DUSP14: variants seen among roughly 807,000 people sequenced by gnomAD.
The protein encoded by DUSP14 is dual specificity phosphatase 14, also known as dual specificity protein phosphatase 14.
Under a neutral mutation model 13.2 loss-of-function variants are expected in DUSP14, and 5 were observed. The ratio of observed to expected loss-of-function variants is 0.38; its 90% CI spans 0.20 to 0.80. The LOEUF (loss-of-function observed/expected upper bound fraction) is 0.80. Ranked by LOEUF, DUSP14 falls within the 30% of genes least tolerant of loss-of-function variation. The pLI, the probability that DUSP14 is intolerant of heterozygous loss-of-function variation, is 0.44. For synonymous variants in DUSP14, 91 were observed against 103.4 expected, an observed-to-expected ratio of 0.88 and a Z score of 0.73; for missense variants, 185 against 264.0, an observed-to-expected ratio of 0.70 and a Z score of 2.07.
intron 1 of DUSP14, among the ~76,000 whole-genome samples, chr17:37,506,350 T>C (rs1056861691): frequency 1.3e-5 from 2 of 149,738 alleles, no homozygotes; most frequent in Non-Finnish European, 3.0e-5. Context: ...TTCCTTTCTG[T>C]CTTTCACTCT....
intron 1 of DUSP14, among the ~76,000 whole-genome samples, chr17:37,509,479 C>A (rs2054168819): frequency 6.6e-6 from 1 of 150,720 alleles, no homozygotes; most frequent in South Asian, 2.1e-4. Context: ...TGCCATCATG[C>A]CCGGATAATT....
At chr17:37,499,112 C>T (rs867957940) in intron 1 of DUSP14, among the ~76,000 whole-genome samples, 5 of 152,062 alleles carry the variant, frequency 3.3e-5, no homozygotes, top group Non-Finnish European at 7.4e-5. Context: ...CTGGGGAGGC[C>T]TCAGGAAACT....
chr17:37,501,847 G>A (rs1169385492), intron 1 of DUSP14, among the ~76,000 whole-genome samples: 2 of 152,056 alleles, frequency 1.3e-5, no homozygotes, highest in African/African-American at 4.8e-5. Context: ...AGAATGGGAG[G>A]AGAAAAAGCA....
At chr17:37,509,268 TA>T (rs1568204658) in intron 1 of DUSP14, among the ~76,000 whole-genome samples, 6 of 22,726 alleles carry the variant, frequency 2.6e-4, no homozygotes, top group South Asian at 1.9e-3. Context: ...TATATATATA[TA>T]TATATATATA....
At chr17:37,494,344 T>C (rs1306398881) in intron 1 of DUSP14, among the ~76,000 whole-genome samples, 1 of 152,220 alleles carries the variant, frequency 6.6e-6, no homozygotes, top group Non-Finnish European at 1.5e-5. Flanking sequence ...CCTGAGAAAG[T>C]AGAAGTAGCT....
chr17:37,502,005 GT>G, intron 1 of DUSP14, among the ~76,000 whole-genome samples: 1 of 152,212 alleles, frequency 6.6e-6, no homozygotes, highest in East Asian at 1.9e-4. Flanking sequence ...TTATTCAGTT[GT>G]TTTTATATGT....
At position 37,503,638 on chromosome 17, in the gene DUSP14, A is replaced by G. The variant is rs73984255; in HGVS notation, c.-180-7039A>G. On this transcript the variant is annotated intron_variant, in intron 1 of 2. Transcript: ENST00000617516. The stretch of plus-strand genomic sequence containing the variant: ...GGTGAGGACCAAATACAAGAATTCA[A>G]TTCCAGATGTGAACAGATTACCCCA... 7.0e-3 allele frequency among the ~76,000 whole-genome samples: 1,066 copies of G among 152,324 alleles called. 17 individuals are homozygous for G. The highest frequency in any genetic ancestry group is 0.025 in the African/African-American group (1,030 of 41,576).
intron 2 of DUSP14, among the ~76,000 whole-genome samples, chr17:37,511,253 T>A (rs956730422): frequency 6.6e-6 from 1 of 152,130 alleles, no homozygotes; most frequent in Non-Finnish European, 1.5e-5. Context: ...GTGTTTACAT[T>A]GTCACGAAAT....
Position 37,512,809 on chromosome 17 carries a change from C to G in DUSP14, c.537C>G (p.Gly179=), listed in dbSNP as rs373679821. 2.6e-4 allele frequency: 418 copies of G among 1,613,386 alleles called. 1 individual carries two copies. The highest frequency in any genetic ancestry group is 3.4e-4 in the Non-Finnish European group (399 of 1,179,810). The change falls in exon 3 of 3, where the codon GGC becomes GGG. Residue 179 remains glycine (G), a synonymous_variant. Coordinates refer to ENST00000617516, the MANE Select transcript of DUSP14 (RefSeq NM_007026.4). This position sits in a 1 kb window ranked among gnomAD's most constrained non-coding sequence, Gnocchi z 4.8. The part of the protein sequence containing the change: ...STVKMVQTPY[G]IVPDVYEKES... Reference sequence around the variant, plus strand: ...TTAAAATGGTACAGACACCTTATGGCATAGTTCCCGACGTCTATGAGAAGG... The same window carrying G: ...TTAAAATGGTACAGACACCTTATGGGATAGTTCCCGACGTCTATGAGAAGG...
At chr17:37,497,880 C>G (rs1169663747) in intron 1 of DUSP14, among the ~76,000 whole-genome samples, 1 of 152,014 alleles carries the variant, frequency 6.6e-6, no homozygotes, top group East Asian at 1.9e-4. Context: ...GTGGCAAAAC[C>G]CTGTCTCTAC....
intron 1 of DUSP14, among the ~76,000 whole-genome samples, chr17:37,507,489 G>A (rs1027059118): frequency 5.3e-5 from 8 of 152,214 alleles, no homozygotes; most frequent in Admixed American, 5.2e-4. Context: ...GCATCGCTCT[G>A]CCACCCAGGC....
intron 1 of DUSP14, among the ~76,000 whole-genome samples, chr17:37,498,551 C>T (rs1270513682): frequency 2.6e-5 from 4 of 151,890 alleles, no homozygotes; most frequent in Non-Finnish European, 4.4e-5. Context: ...TGGTCTCGAT[C>T]TCCTGACCTC....
At chr17:37,505,779 A>G (rs1434044597) in intron 1 of DUSP14, among the ~76,000 whole-genome samples, 1 of 152,116 alleles carries the variant, frequency 6.6e-6, no homozygotes, top group African/African-American at 2.4e-5. Context: ...GCTGACCACA[A>G]GGCTACAAGG....
At chr17:37,496,221 C>T (rs972533590) in intron 1 of DUSP14, among the ~76,000 whole-genome samples, 3 of 152,144 alleles carry the variant, frequency 2.0e-5, no homozygotes, top group Non-Finnish European at 4.4e-5. Context: ...CAGGCTCAGG[C>T]CAGAAGTGGA....
At position 37,511,782 on chromosome 17, in the gene DUSP14, A is replaced by G. The variant is rs147606787; in HGVS notation, c.-92-399A>G. Among the ~76,000 whole-genome samples the G allele has an allele frequency of 3.3e-4, 49 of 149,234 alleles. No homozygotes were observed. In the East Asian group the frequency reaches 6.3e-3, roughly 19 times the overall value. On this transcript the variant is annotated intron_variant, in intron 2 of 2. Coordinates refer to ENST00000617516, the MANE Select transcript of DUSP14 (RefSeq NM_007026.4). ...AAAAAAAAATAAAAAATAAAAAATA[A>G]AAAGTTTTTTTGTAGAGATGGGGTC...
intron 1 of DUSP14, among the ~76,000 whole-genome samples, chr17:37,502,780 T>TG (rs1358068548): frequency 6.6e-6 from 1 of 152,176 alleles, no homozygotes; most frequent in East Asian, 1.9e-4. Context: ...GCATGGCAGC[T>TG]GGGTTCCAAG....
At chr17:37,510,268 C>T (rs368623444) in intron 1 of DUSP14, 1 of 152,418 alleles carries the variant, frequency 6.6e-6, no homozygotes, top group East Asian at 1.9e-4. Context: ...TCCGTCCTCC[C>T]ACCGCGGTGC....
chr17:37,510,472 C>T (rs1051003450), intron 1 of DUSP14: 1 of 152,150 alleles, frequency 6.6e-6, no homozygotes, highest in Admixed American at 6.5e-5. Context: ...TGTCACGCCG[C>T]GGGTTATGTG....
intron 1 of DUSP14, among the ~76,000 whole-genome samples, chr17:37,499,853 A>G (rs1568201166): frequency 6.6e-6 from 1 of 152,232 alleles, no homozygotes; most frequent in South Asian, 2.1e-4. Context: ...CTAATTAGTA[A>G]TGTAGTCTTC....
Sources: allele counts gnomAD v4.1 joint callset (sites outside exome capture counted in the v4.1 genomes callset), GRCh38; gene constraint gnomAD v4.1.1; non-coding constraint Gnocchi (gnomAD v3.1); transcripts MANE v1.5; gene names NCBI Gene and HGNC (gene_info 2026-07-23, HGNC 2026-07-21).